The following SPATA13 variants were observed in gnomAD, a reference collection of about 807,000 sequenced individuals.
SPATA13 encodes spermatogenesis associated 13.
SPATA13 carries 50 observed loss-of-function variants against 104.0 expected under a neutral mutation model. That is an observed-to-expected ratio of 0.48 (90% confidence interval 0.38 to 0.61). SPATA13 has a LOEUF of 0.61. SPATA13 is among the 20% of genes least tolerant of loss of function. The pLI is 0.00. For missense variants in SPATA13, 1,524 were observed against 1,690.6 expected (o/e 0.90, Z 1.73); for synonymous variants, 606 against 667.5 (o/e 0.91, Z 1.42).
intron 1 of SPATA13, among the ~76,000 whole-genome samples, chr13:24,189,797 A>G (rs1437576700): frequency 2.2e-5 from 1 of 45,590 alleles, no homozygotes; most frequent in Non-Finnish European, 4.5e-5. Flanking sequence ...TATAATAAAT[A>G]TATATTTATA....
intron 1 of SPATA13, among the ~76,000 whole-genome samples, chr13:24,210,766 G>GTTTTTTTTTTTTTT (rs58789886): frequency 4.4e-5 from 6 of 137,442 alleles, no homozygotes; most frequent in Non-Finnish European, 7.8e-5. Flanking sequence ...GAATTTTAGG[G>GTTTTTTTTTTTTTT]TTTTTTTTTT....
intron 3 of SPATA13, among the ~76,000 whole-genome samples, chr13:24,121,681 G>A (rs74040214): frequency 0.02 from 3,113 of 152,194 alleles, 124 homozygotes; most frequent in African/African-American, 0.071. Context: ...GTTTTATACT[G>A]CAAATGAGAC....
chr13:24,272,975 C>T (rs1246195441), intron 4 of SPATA13: 1 of 152,558 alleles, frequency 6.6e-6, no homozygotes, highest in East Asian at 1.9e-4. Flanking sequence ...GAGACACCAG[C>T]CCAGAGAGCT....
rs1409308979 is a variant in SPATA13 at position 24,297,728 on chromosome 13, G to C, written c.3576G>C (p.Lys1192Asn). The C allele has an allele frequency of 6.2e-7, 1 of 1,610,202 alleles. No homozygotes were observed. The highest frequency in any genetic ancestry group is 8.5e-7 in the Non-Finnish European group (1 of 1,177,568). ...ADERRRVQEDKEMGMEISENQ... is the reference protein window; with the variant it reads ...ADERRRVQEDNEMGMEISENQ... ...AAAGGAGGCGGGTGCAAGAGGACAA[G>C]GAGATGGGTGAGCAGCCCTTGGCTC... The change falls in exon 11 of 13, where the codon AAG becomes AAC. Residue 1192 changes from lysine (K) to asparagine (N), a missense_variant. Lys to Asn is a moderately conservative substitution (Grantham distance 94). Transcript: ENST00000382108.
rs914066467 is a variant in SPATA13, at chr13:24,223,044, G to A, written c.115G>A (p.Ala39Thr). ...CTGTGCAGGCTCGGACCTGAAAGAC[G>A]CCAAGATGGTGACCTCCCTTGCGTG... Reference protein sequence around the residue: ...APCAGSDLKDAKMVTSLACGN... With the variant: ...APCAGSDLKDTKMVTSLACGN... The change falls in exon 2 of 13, where the codon GCC becomes ACC. Residue 39 changes from alanine (A) to threonine (T), a missense_variant. Ala to Thr is a moderately conservative substitution (Grantham distance 58). Coordinates refer to ENST00000382108, the MANE Select transcript of SPATA13 (RefSeq NM_001166271.3). The A allele has an allele frequency of 4.5e-6, 7 of 1,551,596 alleles. No homozygotes were observed. Among genetic ancestry groups the A allele is most frequent in the African/African-American group, 4.1e-5 (3 of 73,056 alleles).
intron 2 of SPATA13, among the ~76,000 whole-genome samples, chr13:23,998,891 G>A (rs555616393): frequency 2.0e-5 from 3 of 147,044 alleles, no homozygotes; most frequent in Middle Eastern, 3.5e-3. Flanking sequence ...TTATATTTGT[G>A]TTCAGTGATC....
chr13:24,018,356 G>A (rs768697328), intron 3 of SPATA13, among the ~76,000 whole-genome samples: 1 of 152,094 alleles, frequency 6.6e-6, no homozygotes, highest in Non-Finnish European at 1.5e-5. Context: ...TTCCATCTTA[G>A]CATTATTTGT....
intron 1 of SPATA13, among the ~76,000 whole-genome samples, chr13:24,204,445 T>C (rs1184882558): frequency 4.6e-5 from 7 of 152,172 alleles, no homozygotes; most frequent in Admixed American, 6.5e-5. Flanking sequence ...AGGTATAACG[T>C]AACATTGATG....
intron 3 of SPATA13, among the ~76,000 whole-genome samples, chr13:24,153,274 G>A (rs1240884609): frequency 6.6e-6 from 1 of 152,196 alleles, no homozygotes; most frequent in Non-Finnish European, 1.5e-5. Context: ...CTCTGATGTG[G>A]GTGCCCCATT....
intron 3 of SPATA13, among the ~76,000 whole-genome samples, chr13:24,120,687 C>G (rs1480574267): frequency 6.6e-6 from 1 of 152,168 alleles, no homozygotes; most frequent in African/African-American, 2.4e-5. Context: ...CAAAGTAATG[C>G]TCCATAAAGG....
chr13:24,052,202 A>G (rs998991078), intron 3 of SPATA13, among the ~76,000 whole-genome samples: 3 of 152,160 alleles, frequency 2.0e-5, no homozygotes, highest in African/African-American at 7.2e-5. Context: ...TTGAGCTCCA[A>G]GTCTTTATTT....
At chr13:24,228,968 TG>T (rs1180366460) in intron 2 of SPATA13, among the ~76,000 whole-genome samples, 1 of 152,242 alleles carries the variant, frequency 6.6e-6, no homozygotes, top group Non-Finnish European at 1.5e-5. Context: ...GAAAAAGAGC[TG>T]GGAAAATGTC....
intron 3 of SPATA13, among the ~76,000 whole-genome samples, chr13:24,086,769 C>T (rs1014803715): frequency 1.3e-5 from 2 of 151,928 alleles, no homozygotes; most frequent in Non-Finnish European, 2.9e-5. Context: ...GGGTGCAGAG[C>T]GGAATTCCAG....
At chr13:24,141,677 G>C (rs151094873) in intron 3 of SPATA13, among the ~76,000 whole-genome samples, 4 of 152,214 alleles carry the variant, frequency 2.6e-5, no homozygotes, top group Non-Finnish European at 5.9e-5. Context: ...TGCCACGCAG[G>C]GGGTATGGAA....
At chr13:24,251,677 C>T (rs1360242999) in intron 3 of SPATA13, 41 bp from the exon 4 acceptor site, 1 of 1,608,338 alleles carries the variant, frequency 6.2e-7, no homozygotes, top group Non-Finnish European at 8.5e-7. Flanking sequence ...AGAGCTGCCA[C>T]TTCCTGGTAC....
upstream of SPATA13, among the ~76,000 whole-genome samples, chr13:24,158,719 TGATA>T (rs138195676): frequency 8.3e-3 from 1,268 of 152,312 alleles, 25 homozygotes; most frequent in African/African-American, 0.029. Context: ...TGTGCTAAGT[TGATA>T]GATAGTAAGA....
At chr13:24,049,937 A>G (rs1181772451) in intron 3 of SPATA13, among the ~76,000 whole-genome samples, 5 of 152,300 alleles carry the variant, frequency 3.3e-5, no homozygotes, top group Admixed American at 3.3e-4. Context: ...CAGTAGCACA[A>G]TCTCAGCTCA....
intron 4 of SPATA13, among the ~76,000 whole-genome samples, chr13:24,265,681 G>A (rs1298912467): frequency 3.9e-5 from 6 of 152,164 alleles, no homozygotes; most frequent in Admixed American, 1.3e-4. Flanking sequence ...CCATCCTTCC[G>A]CCCATGTCCT....
At chr13:24,229,179 C>A (rs1213891098) in intron 2 of SPATA13, among the ~76,000 whole-genome samples, 5 of 152,228 alleles carry the variant, frequency 3.3e-5, no homozygotes, top group Non-Finnish European at 7.3e-5. Flanking sequence ...CTCCTACCAG[C>A]TCACAAGGAG....
Sources: gnomAD v4.1 joint callset for allele counts (sites outside exome capture counted in the v4.1 genomes callset) on GRCh38, gnomAD v4.1.1 for gene constraint, MANE v1.5 for transcripts, NCBI Gene and HGNC (gene_info 2026-07-23, HGNC 2026-07-21) for gene names.